The following REDIC1 variants were observed in gnomAD, a reference collection of about 807,000 sequenced individuals.
REDIC1 encodes the protein regulator of DNA class I crossover intermediates 1.
chr12:39,748,258 G>T, the REDIC1 span, among the ~76,000 whole-genome samples: 4 of 152,024 alleles, frequency 2.6e-5, no homozygotes, highest in Admixed American at 2.6e-4. Flanking sequence ...AATAAAAAAA[G>T]GCAGGGGTTG....
chr12:39,698,777 A>G, the REDIC1 span, among the ~76,000 whole-genome samples: 1 of 152,354 alleles, frequency 6.6e-6, no homozygotes, highest in South Asian at 2.1e-4. Context: ...AAATTGAAAA[A>G]TTCCTTGAAA....
the REDIC1 span, among the ~76,000 whole-genome samples, chr12:39,645,524 A>G: frequency 6.6e-6 from 1 of 152,010 alleles, no homozygotes; most frequent in Non-Finnish European, 1.5e-5. Flanking sequence ...GGCTCAAAAC[A>G]TGGCCTTAAG....
At chr12:39,703,401 T>A in the REDIC1 span, among the ~76,000 whole-genome samples, 116,526 of 147,448 alleles carry the variant, frequency 0.79, 46,793 homozygotes, top group Non-Finnish European at 0.86. Context: ...CTCTTCAAGG[T>A]GAACTACAAA....
chr12:39,628,437 T>C, the REDIC1 span, among the ~76,000 whole-genome samples: 1 of 152,148 alleles, frequency 6.6e-6, no homozygotes, highest in African/African-American at 2.4e-5. Flanking sequence ...ATGGAGCTAA[T>C]AGAATAGAAA....
chr12:39,731,570 G>A, the REDIC1 span, among the ~76,000 whole-genome samples: 1 of 152,170 alleles, frequency 6.6e-6, no homozygotes, highest in African/African-American at 2.4e-5. Flanking sequence ...GAGCTCTCCT[G>A]TATGTGGTGT....
At chr12:39,643,798 G>C in the REDIC1 span, 2 of 1,541,046 alleles carry the variant, frequency 1.3e-6, no homozygotes, top group East Asian at 4.6e-5. Flanking sequence ...GAAAAACACA[G>C]GTTAAAATCA....
chr12:39,821,518 G>A, the REDIC1 span, among the ~76,000 whole-genome samples: 1 of 152,146 alleles, frequency 6.6e-6, no homozygotes, highest in Non-Finnish European at 1.5e-5. Flanking sequence ...AGAGCGAATT[G>A]CAGTGGGATT....
chr12:39,744,306 G>A, the REDIC1 span, among the ~76,000 whole-genome samples: 2 of 152,208 alleles, frequency 1.3e-5, no homozygotes, highest in African/African-American at 4.8e-5. Context: ...CAGTACACCT[G>A]ACTTGCAAAA....
At chr12:39,765,078 T>G in the REDIC1 span, among the ~76,000 whole-genome samples, 1 of 152,084 alleles carries the variant, frequency 6.6e-6, no homozygotes. Context: ...AGACACCGTG[T>G]TTTATAACCA....
the REDIC1 span, among the ~76,000 whole-genome samples, chr12:39,862,127 C>T: frequency 1.3e-5 from 2 of 152,162 alleles, no homozygotes; most frequent in African/African-American, 2.4e-5. Flanking sequence ...TTAATACATT[C>T]AGTCCAGAGA....
the REDIC1 span, among the ~76,000 whole-genome samples, chr12:39,828,861 A>G: frequency 5.5e-4 from 83 of 152,136 alleles, no homozygotes; most frequent in Non-Finnish European, 1.1e-3. Flanking sequence ...AACTCTTTTG[A>G]GTGTTCATTT....
chr12:39,788,980 T>C, the REDIC1 span, among the ~76,000 whole-genome samples: 1 of 152,150 alleles, frequency 6.6e-6, no homozygotes, highest in Non-Finnish European at 1.5e-5. Flanking sequence ...ATCGGATTGA[T>C]GCCATAGTTG....
At chr12:39,731,831 C>T in the REDIC1 span, among the ~76,000 whole-genome samples, 8 of 144,270 alleles carry the variant, frequency 5.5e-5, no homozygotes, top group East Asian at 2.0e-4. Context: ...TGCTGCCTTT[C>T]TTTTTTTTTT....
the REDIC1 span, among the ~76,000 whole-genome samples, chr12:39,745,286 A>G: frequency 2.0e-5 from 3 of 152,290 alleles, no homozygotes; most frequent in East Asian, 3.9e-4. Flanking sequence ...CAGTAACACA[A>G]TTTTCAGGTC....
chr12:39,875,794 C>T, the REDIC1 span, among the ~76,000 whole-genome samples: 3 of 152,176 alleles, frequency 2.0e-5, no homozygotes, highest in East Asian at 5.8e-4. Context: ...CTTACAATTA[C>T]AAAGTACATT....
the REDIC1 span, among the ~76,000 whole-genome samples, chr12:39,730,699 T>A: frequency 6.6e-6 from 1 of 152,174 alleles, no homozygotes; most frequent in Non-Finnish European, 1.5e-5. Flanking sequence ...TGTTGGCCTG[T>A]CTTGCTAGGT....
chr12:39,903,878 C>T, the REDIC1 span, among the ~76,000 whole-genome samples: 3 of 151,968 alleles, frequency 2.0e-5, no homozygotes, highest in African/African-American at 4.8e-5. Context: ...TTACTGGGGA[C>T]GTGATGAAGC....
At chr12:39,829,850 A>G in the REDIC1 span, 1 of 435,576 alleles carries the variant, frequency 2.3e-6, no homozygotes. Flanking sequence ...GCCTAAAACT[A>G]AAGATCCAAA....
the REDIC1 span, chr12:39,721,250 A>G: frequency 1.9e-6 from 3 of 1,607,664 alleles, no homozygotes; most frequent in African/African-American, 2.7e-5. Context: ...AAGAACAACT[A>G]ATATTCTAAA....
Sources: allele counts gnomAD v4.1 joint callset (sites outside exome capture counted in the v4.1 genomes callset), GRCh38; gene constraint gnomAD v4.1.1; transcripts MANE v1.5; gene names NCBI Gene and HGNC (gene_info 2026-07-23, HGNC 2026-07-21).